Variants in MED23 observed in about 807,000 individuals in gnomAD.
MED23 encodes mediator complex subunit 23.
A neutral mutation model predicts 163.9 loss-of-function variants in MED23; 105 were observed. The ratio of observed to expected loss-of-function variants is 0.64; its 90% CI spans 0.55 to 0.75. The LOEUF (loss-of-function observed/expected upper bound fraction) is 0.75. Among genes scored for constraint, MED23 ranks in the 30% least tolerant of loss-of-function variants. MED23 has a pLI of 0.00. For synonymous variants in MED23, 561 were observed against 565.6 expected (o/e 0.99, Z 0.12); for missense variants, 1,054 against 1,649.0 (o/e 0.64, Z 6.25).
At chr6:131,624,691 A>C (rs912277207) in intron 4 of MED23, among the ~76,000 whole-genome samples, 174 bp downstream of exon 4, 3 of 152,202 alleles carry the variant, frequency 2.0e-5, no homozygotes, top group African/African-American at 7.2e-5. Context: ...GCATTACCTA[A>C]TTCAAAGACT....
At position 131,600,135 on chromosome 6, in the gene MED23, T is replaced by C; in HGVS notation, c.2123A>G (p.Gln708Arg). The part of the protein sequence containing the change: ...TDFFTGSDSI[Q>R]GTWCKDILQT... ...AAGTATGTCTTTACACCAAGTTCCC[T>C]GAATTGAATCAGAGCCTGTAAAAAA... The change falls in exon 18 of 29, where the codon CAG (glutamine) becomes CGG (arginine). Residue 708 changes from glutamine (Q) to arginine (R), a missense_variant. This residue lies in a region of MED23 where 228 missense variants were observed against 461.3 expected (regional missense o/e 0.49). Coordinates refer to ENST00000368068, the MANE Select transcript of MED23 (RefSeq NM_004830.4). The C allele has an allele frequency of 6.2e-7, 1 of 1,612,160 alleles. No individual in the cohort carries two copies. Among genetic ancestry groups the C allele is most frequent in the South Asian group, 1.1e-5 (1 of 91,048 alleles).
rs1268537313 is a variant in MED23, at chr6:131,610,205, A to C, written c.918T>G (p.Asp306Glu). 8.1e-6 allele frequency: 13 copies of C among 1,613,852 alleles called. No individual in the cohort carries two copies. The highest frequency in any genetic ancestry group is 1.0e-5 in the Non-Finnish European group (12 of 1,179,914). ...RCPVLEDQLV[D>E]LVVYAMERSE... ...ATCGCTCCATGGCATAAACAACCAG[A>C]TCCACCAACTGGTCCTCCAGCACAG... is the stretch of plus-strand genomic sequence containing the variant. The change falls in exon 11 of 29, where the codon GAT (aspartate) becomes GAG (glutamate). Residue 306 changes from aspartate (D) to glutamate (E), a missense_variant. Physicochemically the swap from Asp to Glu is conservative, Grantham distance 45 (BLOSUM62 2). This residue lies in a region of MED23 where 26 missense variants were observed against 28.4 expected (regional missense o/e 0.92). Transcript: ENST00000368068.
At chr6:131,574,133 C>T (rs1773500479) in exon 31 of MED23, 3 of 849,798 alleles carry the variant, frequency 3.5e-6, no homozygotes, top group South Asian at 1.4e-5. Flanking sequence ...TAGACTTCAA[C>T]ACGCATCTGT....
intron 30 of MED23, among the ~76,000 whole-genome samples, chr6:131,576,326 C>T (rs1289964123): frequency 1.3e-5 from 2 of 152,222 alleles, no homozygotes; most frequent in Non-Finnish European, 2.9e-5. Flanking sequence ...GCACAAACTA[C>T]TTGTTCACTG....
chr6:131,592,897 C>G, intron 24 of MED23, 109 bp downstream of exon 24: 2 of 1,255,670 alleles, frequency 1.6e-6, no homozygotes. Flanking sequence ...AGTCATCATC[C>G]AATGTGCATC....
intron 30 of MED23, chr6:131,579,234 C>T: frequency 6.2e-7 from 1 of 1,613,990 alleles, no homozygotes; most frequent in South Asian, 1.1e-5. Flanking sequence ...GGCAAGGTGG[C>T]AGAAGTCAAG....
intron 30 of MED23, chr6:131,579,065 T>C (rs1402282509): frequency 6.2e-7 from 1 of 1,600,678 alleles, no homozygotes. Context: ...CAGACTGATT[T>C]ATAATCTACT....
intron 28 of MED23, 141 bp downstream of exon 28, chr6:131,589,324 G>T: frequency 2.9e-6 from 2 of 698,754 alleles, no homozygotes; most frequent in Non-Finnish European, 4.9e-6. Context: ...TGCCTAAAAA[G>T]GTCTCATACC....
intron 28 of MED23, among the ~76,000 whole-genome samples, chr6:131,588,847 G>A (rs76955456): frequency 0.069 from 10,509 of 152,090 alleles, 1,252 homozygotes; most frequent in African/African-American, 0.24. Context: ...CTAAGTCAGG[G>A]TGGCCTCCCT....
Position 131,628,124 on chromosome 6 carries a change from C to G in MED23, c.-75G>C. The G allele has an allele frequency of 6.4e-7, 1 of 1,555,388 alleles. No homozygotes were observed. Among genetic ancestry groups the G allele is most frequent in the South Asian group, 1.1e-5 (1 of 90,076 alleles). ...GACTCGAGCTCTGGGAATATAGGGGCAGAGGGGCGGAGACCTCTGGAGGAA... is the reference window on the plus strand; with the variant it reads ...GACTCGAGCTCTGGGAATATAGGGGGAGAGGGGCGGAGACCTCTGGAGGAA... On this transcript the variant is annotated 5_prime_UTR_variant, in exon 1 of 29. Coordinates refer to ENST00000368068, the MANE Select transcript of MED23 (RefSeq NM_004830.4).
In MED23 at chr6:131,593,052, A is replaced by G. The variant is rs1774767045; in HGVS notation, c.3352T>C (p.Ser1118Pro). The change falls in exon 24 of 29, where the codon TCA (serine) becomes CCA (proline). Residue 1118 changes from serine (S) to proline (P), a missense_variant. By Grantham distance (74) the Ser-to-Pro change is moderately conservative. Coordinates refer to ENST00000368068, the MANE Select transcript of MED23 (RefSeq NM_004830.4). ...TCVELMALAVSGKEVGNALLN... is the reference protein window; with the variant it reads ...TCVELMALAVPGKEVGNALLN... ...AGGGCATTCCCAACTTCTTTGCCTGAAACTGCCAAGGCCATGAGCTCCACA... is the reference window on the plus strand; with the variant it reads ...AGGGCATTCCCAACTTCTTTGCCTGGAACTGCCAAGGCCATGAGCTCCACA... The G allele has an allele frequency of 6.2e-7, 1 of 1,614,100 alleles. No homozygotes were observed. Among genetic ancestry groups the G allele is most frequent in the Non-Finnish European group, 8.5e-7 (1 of 1,180,042 alleles).
At chr6:131,588,098 GTATATTCATA>G (rs1774311587) in intron 28 of MED23, among the ~76,000 whole-genome samples, 1 of 152,088 alleles carries the variant, frequency 6.6e-6, no homozygotes, top group African/African-American at 2.4e-5. Flanking sequence ...TGTACCATAT[GTATATTCATA>G]TATATGCATA....
intron 30 of MED23, among the ~76,000 whole-genome samples, chr6:131,580,562 C>G (rs1446570427): frequency 6.6e-6 from 1 of 152,186 alleles, no homozygotes; most frequent in African/African-American, 2.4e-5. Flanking sequence ...TAACTTTTAA[C>G]TTCTGTGCAA....
chr6:131,603,954 G>A (rs1013609701), intron 15 of MED23, among the ~76,000 whole-genome samples: 4 of 152,054 alleles, frequency 2.6e-5, no homozygotes, highest in Admixed American at 6.6e-5. Context: ...ACTTAAAAAT[G>A]CAACAAACCC....
downstream of MED23, among the ~76,000 whole-genome samples, chr6:131,586,167 G>A (rs143821297): frequency 0.019 from 2,910 of 152,120 alleles, 101 homozygotes; most frequent in African/African-American, 0.065. Context: ...AGGCTGAGGC[G>A]GGGGATCACG....
chr6:131,605,683 T>G (rs1775804393), intron 13 of MED23, among the ~76,000 whole-genome samples, 198 bp from the exon 14 acceptor site: 1 of 152,128 alleles, frequency 6.6e-6, no homozygotes, highest in African/African-American at 2.4e-5. Flanking sequence ...AAAAATAATT[T>G]TAAATAAACA....
Position 131,587,349 on chromosome 6 carries a change from C to A in MED23, c.*330G>T. Reference sequence around the variant, plus strand: ...TGTCATTAATAATAAAAAATACAAACAAAAACAACGGCTAGAATAGGAAAG... The same window carrying A: ...TGTCATTAATAATAAAAAATACAAAAAAAAACAACGGCTAGAATAGGAAAG... On this transcript the variant is annotated 3_prime_UTR_variant, in exon 29 of 29. Transcript: ENST00000368068. The A allele has an allele frequency of 8.9e-7, 1 of 1,123,572 alleles. No individual in the cohort carries two copies. The highest frequency in any genetic ancestry group is 1.1e-6 in the Non-Finnish European group (1 of 917,754). 69.6% of individuals were successfully genotyped at this position (1,123,572 alleles called of 1,614,324 possible). A position where few individuals can be genotyped will look rare whatever the true frequency, so the allele number is the denominator to read the frequency against.
At chr6:131,607,229 T>A (rs1775919450) in intron 12 of MED23, among the ~76,000 whole-genome samples, 1 of 151,500 alleles carries the variant, frequency 6.6e-6, no homozygotes, top group Non-Finnish European at 1.5e-5. Context: ...ATGGTGGGGT[T>A]ACAGCTAGTG....
At chr6:131,585,750 AT>A (rs909626056), downstream of MED23, among the ~76,000 whole-genome samples, 4 of 152,090 alleles carry the variant, frequency 2.6e-5, no homozygotes, top group East Asian at 1.9e-4. Context: ...ACATAAAGGC[AT>A]TTTTTTCCCC....
Sources: allele counts gnomAD v4.1 joint callset (sites outside exome capture counted in the v4.1 genomes callset), GRCh38; gene constraint gnomAD v4.1.1; regional missense constraint gnomAD v4.1.1; transcripts MANE v1.5; gene names NCBI Gene and HGNC (gene_info 2026-07-23, HGNC 2026-07-21).